ZNF878: variants seen among roughly 807,000 people sequenced by gnomAD.
The protein encoded by ZNF878 is zinc finger protein 878.
In ZNF878, 10 loss-of-function variants were observed where a neutral mutation model predicts 11.1. That is an observed-to-expected ratio of 0.90 (90% CI 0.56 to 1.53). ZNF878 has a LOEUF of 1.53. Among genes scored for constraint, ZNF878 ranks in the 40% most tolerant of loss-of-function variants. ZNF878 has a pLI of 0.00. For missense variants in ZNF878, 548 were observed against 626.1 expected (o/e 0.88, Z 1.33); for synonymous variants, 165 against 209.7 (o/e 0.79, Z 1.84).
At position 12,044,640 on chromosome 19, in the gene ZNF878, C is replaced by T. The variant is rs371291916; in HGVS notation, c.761G>A (p.Arg254His). Reference sequence around the variant, plus strand: ...TTTATCACATTGCTTGCATTTATAGCGTTTCTCTCCAGTGTGACTTTTCTC... The same window carrying T: ...TTTATCACATTGCTTGCATTTATAGTGTTTCTCTCCAGTGTGACTTTTCTC... ...RHEKSHTGEK[R>H]YKCKQCDKAF... Residue 254 changes from arginine (R) to histidine (H), a missense_variant, in exon 4 of 4, where the codon CGC (arginine) becomes CAC (histidine). Arg to His is a conservative substitution (Grantham distance 29). Coordinates refer to ENST00000547628, the MANE Select transcript of ZNF878 (RefSeq NM_001080404.3). The T allele has an allele frequency of 1.0e-4, 168 of 1,613,056 alleles. 3 individuals carry two copies. In the African/African-American group the frequency reaches 1.3e-3, roughly 13 times the overall value.
Position 12,044,350 on chromosome 19 carries a change from C to A in ZNF878, c.1051G>T (p.Val351Phe), listed in dbSNP as rs115474292. ...CKKCVKAFSFVKDLRIHERTH... is the reference protein window; with the variant it reads ...CKKCVKAFSFFKDLRIHERTH... Reference sequence around the variant, plus strand: ...CTTTCATGTATTCGAAGATCCTTGACAAAACTGAAGGCTTTCACACATTTT... The same window carrying A: ...CTTTCATGTATTCGAAGATCCTTGAAAAAACTGAAGGCTTTCACACATTTT... Residue 351 changes from valine to phenylalanine, a missense_variant, in exon 4 of 4, where the codon GTC becomes TTC. Transcript: ENST00000547628. 135 of 1,612,110 alleles carry A rather than the reference C, an allele frequency of 8.4e-5. No individual in the cohort carries two copies. The African/African-American group carries it at 1.7e-3, about 20-fold the overall frequency.
At position 12,046,615 on chromosome 19, in the gene ZNF878, G is replaced by A; in HGVS notation, c.130+19C>T. The stretch of plus-strand genomic sequence containing the variant: ...CCTGTTCTTTAATTCACTGAGGGAA[G>A]TAATACTGTCATTCTTACCTATGGA... On this transcript the variant is annotated intron_variant, in intron 2 of 3. Transcript: ENST00000547628. 6.2e-7 allele frequency: 1 copy of A among 1,613,890 alleles called. No homozygotes were observed. The highest frequency in any genetic ancestry group is 8.5e-7 in the Non-Finnish European group (1 of 1,179,894).
chr19:12,043,964 A>G lies in ZNF878; in HGVS notation c.1437T>C (p.Tyr479=). 6.2e-7 allele frequency: 1 copy of G among 1,610,854 alleles called. No homozygotes were observed. Among genetic ancestry groups the G allele is most frequent in the Non-Finnish European group, 8.5e-7 (1 of 1,177,730 alleles). The part of the protein sequence containing the change: ...HKRTHTGEKP[Y]KCKQCGKAFI... ...AGGCTTTCCCACACTGTTTACATTTATAGGGTTTCTCTCCAGTGTGAGTCC... is the reference window on the plus strand; with the variant it reads ...AGGCTTTCCCACACTGTTTACATTTGTAGGGTTTCTCTCCAGTGTGAGTCC... The change falls in exon 4 of 4, where the codon TAT becomes TAC. Residue 479 remains tyrosine, a synonymous_variant. Coordinates refer to ENST00000547628, the MANE Select transcript of ZNF878 (RefSeq NM_001080404.3).
chr19:12,044,829 C>T lies in ZNF878; in HGVS notation c.572G>A (p.Arg191Lys). 6.2e-7 allele frequency: 1 copy of T among 1,614,140 alleles called. No homozygotes were observed. The highest frequency in any genetic ancestry group is 8.5e-7 in the Non-Finnish European group (1 of 1,180,026). Residue 191 changes from arginine to lysine, a missense_variant, in exon 4 of 4, where the codon AGA becomes AAA. Around this residue, in one of 3 missense-constraint regions of ZNF878, gnomAD observed 53 missense variants for 94.6 expected, o/e 0.56. Coordinates refer to ENST00000547628, the MANE Select transcript of ZNF878 (RefSeq NM_001080404.3). ...ATAGGGTTTTTTTGCAGAGTGGATT[C>T]TTTCATGTCTACGAACAGAACTGGG... ...SFPSSVRRHERIHSAKKPYEC... is the reference protein window; with the variant it reads ...SFPSSVRRHEKIHSAKKPYEC...
At position 12,046,753 on chromosome 19, in the gene ZNF878, A is replaced by G. The variant is rs1041678335; in HGVS notation, c.11T>C (p.Val4Ala). 1.2e-6 allele frequency: 2 copies of G among 1,613,810 alleles called. No homozygotes were observed. The highest frequency in any genetic ancestry group is 2.7e-5 in the African/African-American group (2 of 74,880). MDSVAFEDVAVNFT... is the reference protein window; with the variant it reads MDSAAFEDVAVNFT... ...GTTCACAGCCACATCCTCAAAGGCC[A>G]CCGAATCCTGAAATATCCCACATGT... is the stretch of plus-strand genomic sequence containing the variant. The change falls in exon 2 of 4, where the codon GTG (valine) becomes GCG (alanine). Residue 4 changes from valine to alanine, a missense_variant. This residue lies in a region of ZNF878 where 160 missense variants were observed against 173.3 expected (regional missense o/e 0.92). Coordinates refer to ENST00000547628, the MANE Select transcript of ZNF878 (RefSeq NM_001080404.3).
rs921167688 is a variant in ZNF878, at chr19:12,044,168, T to C, written c.1233A>G (p.Gln411=). The C allele has an allele frequency of 6.2e-7, 1 of 1,612,638 alleles. No homozygotes were observed. Among genetic ancestry groups the C allele is most frequent in the Non-Finnish European group, 8.5e-7 (1 of 1,179,730 alleles). ...GKAFRSASVL[Q]KHIRTHTGEK... ...CTCCTGTGTGAGTTCGTATGTGCTT[T>C]TGAAGGACTGAGGCAGATCTGAAGG... Residue 411 remains glutamine (Q), a synonymous_variant, in exon 4 of 4, where the codon CAA becomes CAG. Coordinates refer to ENST00000547628, the MANE Select transcript of ZNF878 (RefSeq NM_001080404.3).
rs980413459 is a variant in ZNF878 at position 12,045,083 on chromosome 19, C to T, written c.318G>A (p.Val106=). 23 of 1,613,602 alleles carry T rather than the reference C, an allele frequency of 1.4e-5. No individual in the cohort carries two copies. The highest frequency in any genetic ancestry group is 1.9e-5 in the Non-Finnish European group (22 of 1,179,772). Residue 106 remains valine (V), a synonymous_variant, in exon 4 of 4, where the codon GTG becomes GTA. Coordinates refer to ENST00000547628, the MANE Select transcript of ZNF878 (RefSeq NM_001080404.3). ...TPGVQSYESS[V]CGEIGIGLSS... is the part of the protein sequence containing the mutation. ...AAAGACCTATGCCGATTTCTCCACACACACTGCTTTCATATGATTGTACTC... is the reference window on the plus strand; with the variant it reads ...AAAGACCTATGCCGATTTCTCCACATACACTGCTTTCATATGATTGTACTC...
At chr19:12,045,722 T>C (rs1366107839) in intron 3 of ZNF878, among the ~76,000 whole-genome samples, 2 of 151,554 alleles carry the variant, frequency 1.3e-5, no homozygotes, top group Non-Finnish European at 2.9e-5. Context: ...TTTAAATGCT[T>C]TATTTATTTA....
At chr19:12,052,692 G>A in intron 1 of ZNF878, 107 bp downstream of exon 1, 1 of 1,400,028 alleles carries the variant, frequency 7.1e-7, no homozygotes, top group Non-Finnish European at 9.6e-7. Context: ...ACTGTGTCTG[G>A]AGCCCAGAGT....
In ZNF878 at chr19:12,046,413, T is replaced by G; in HGVS notation, c.146A>C (p.Asn49Thr). 6.3e-7 allele frequency: 1 copy of G among 1,577,282 alleles called. No homozygotes were observed. Among genetic ancestry groups the G allele is most frequent in the Admixed American group, 1.9e-5 (1 of 53,946 alleles). ...NLTSIGKKWN[N>T]QYIEDEHQNP... Reference sequence around the variant, plus strand: ...TTGGTGCTCATCTTCAATGTACTGGTTGTTCCATTTTTTTCCTAAAATGCG... The same window carrying G: ...TTGGTGCTCATCTTCAATGTACTGGGTGTTCCATTTTTTTCCTAAAATGCG... Residue 49 changes from asparagine (N) to threonine (T), a missense_variant, in exon 3 of 4, where the codon AAC (asparagine) becomes ACC (threonine). Asn to Thr is a moderately conservative substitution (Grantham distance 65, BLOSUM62 0). Around this residue, in one of 3 missense-constraint regions of ZNF878, gnomAD observed 160 missense variants for 173.3 expected, o/e 0.92. Transcript: ENST00000547628.
intron 1 of ZNF878, among the ~76,000 whole-genome samples, 196 bp downstream of exon 1, chr19:12,052,603 C>G (rs889714095): frequency 8.5e-5 from 13 of 152,312 alleles, no homozygotes; most frequent in African/African-American, 2.9e-4. Context: ...AGGGACCGGA[C>G]AGGACGCCCG....
At chr19:12,050,179 T>C (rs956563602) in intron 1 of ZNF878, among the ~76,000 whole-genome samples, 4 of 152,014 alleles carry the variant, frequency 2.6e-5, no homozygotes, top group Admixed American at 2.0e-4. Context: ...GAGCCAAGAT[T>C]ATGCCAGTGC....
chr19:12,049,826 A>G (rs1314918953), intron 1 of ZNF878, among the ~76,000 whole-genome samples: 2 of 152,220 alleles, frequency 1.3e-5, no homozygotes, highest in East Asian at 3.9e-4. Context: ...TGTGTGCCAT[A>G]GTTAGATGAC....
intron 1 of ZNF878, among the ~76,000 whole-genome samples, chr19:12,047,024 G>A (rs7255420): frequency 0.096 from 14,660 of 152,110 alleles, 1,397 homozygotes; most frequent in African/African-American, 0.25. Context: ...GGAGAAAGTC[G>A]TGCTGCCTGG....
chr19:12,043,892 TC>T lies in ZNF878; in HGVS notation c.1508del (p.Gly503GlufsTer24). ...ATTGCTTACACTCATAGGGTTTCTCTCCAGTATGAATCCTTTCATGGTAGAG... is the reference window on the plus strand; with the variant it reads ...ATTGCTTACACTCATAGGGTTTCTCTCAGTATGAATCCTTTCATGGTAGAG... ...SFLYHERIHT[G>X]EKPYECKQCG... is the part of the protein sequence containing the mutation. On this transcript the variant is annotated frameshift_variant, in exon 4 of 4. Coordinates refer to ENST00000547628, the MANE Select transcript of ZNF878 (RefSeq NM_001080404.3). LOFTEE classifies it low-confidence loss of function (END_TRUNC). 1.2e-6 allele frequency: 2 copies of T among 1,614,146 alleles called. No homozygotes were observed. The highest frequency in any genetic ancestry group is 1.7e-6 in the Non-Finnish European group (2 of 1,180,018).
intron 1 of ZNF878, among the ~76,000 whole-genome samples, chr19:12,049,697 G>C (rs1975532507): frequency 6.6e-6 from 1 of 151,570 alleles, no homozygotes; most frequent in African/African-American, 2.4e-5. Context: ...TTGAACCTGG[G>C]AGGTGGAGGT....
intron 1 of ZNF878, among the ~76,000 whole-genome samples, 179 bp downstream of exon 1, chr19:12,052,620 C>T (rs1005840655): frequency 6.6e-6 from 1 of 152,160 alleles, no homozygotes. Context: ...CCCGGGGTCC[C>T]GGCTGCCGGC....
intron 1 of ZNF878, 105 bp from the exon 2 acceptor site, chr19:12,046,865 C>T: frequency 1.3e-6 from 2 of 1,495,460 alleles, no homozygotes; most frequent in Non-Finnish European, 9.0e-7. Flanking sequence ...GTGTGGACTC[C>T]AAACATTTAT....
At chr19:12,048,435 A>G (rs1242265082) in intron 1 of ZNF878, among the ~76,000 whole-genome samples, 1 of 151,168 alleles carries the variant, frequency 6.6e-6, no homozygotes, top group Non-Finnish European at 1.5e-5. Context: ...GGAGAATGGC[A>G]TGAACCCGGG....
Sources: gnomAD v4.1 joint callset for allele counts (sites outside exome capture counted in the v4.1 genomes callset) on GRCh38, gnomAD v4.1.1 for gene constraint, gnomAD v4.1.1 regional missense constraint, MANE v1.5 for transcripts, NCBI Gene and HGNC (gene_info 2026-07-23, HGNC 2026-07-21) for gene names.